The following MLLT10 variants were observed in gnomAD, a reference collection of about 807,000 sequenced individuals.
MLLT10 encodes the protein MLLT10 histone lysine methyltransferase DOT1L cofactor, also known as protein AF-10.
A neutral mutation model predicts 129.1 loss-of-function variants in MLLT10; 30 were observed. The observed-to-expected ratio is 0.23, with a 90% CI of 0.17 to 0.32. The LOEUF (loss-of-function observed/expected upper bound fraction) is 0.32. Among genes scored for constraint, MLLT10 ranks in the 10% least tolerant of loss-of-function variants. The probability of loss-of-function intolerance (pLI) is 1.00; values close to 1 mark genes in which losing one functional copy is unlikely to be tolerated. For missense variants in MLLT10, 1,119 were observed against 1,268.3 expected (o/e 0.88, Z 1.79); for synonymous variants, 490 against 446.4 (o/e 1.10, Z -1.23).
chr10:21,675,606 G>A (rs2052007486), intron 11 of MLLT10, among the ~76,000 whole-genome samples: 1 of 152,214 alleles, frequency 6.6e-6, no homozygotes, highest in African/African-American at 2.4e-5. Context: ...GAAGGGCTTA[G>A]CAGTAAGCCC....
Position 21,673,886 on chromosome 10 carries a change from A to G in MLLT10, c.1588A>G (p.Ser530Gly), listed in dbSNP as rs775229607. The change falls in exon 11 of 23, where the codon AGC becomes GGC. Residue 530 changes from serine (S) to glycine (G), a missense_variant. Transcript: ENST00000307729. ...PTLLRNGSLQ[S>G]LSVGSSPVGS... Reference sequence around the variant, plus strand: ...ATTGCTCAGGAATGGAAGTTTACAGAGCCTCAGTGTTGGCTCATCTCCAGT... The same window carrying G: ...ATTGCTCAGGAATGGAAGTTTACAGGGCCTCAGTGTTGGCTCATCTCCAGT... The G allele has an allele frequency of 6.2e-7, 1 of 1,610,030 alleles. No homozygotes were observed. The highest frequency in any genetic ancestry group is 1.7e-5 in the Admixed American group (1 of 59,374).
chr10:21,682,306 G>A (rs1327542367), intron 13 of MLLT10, 49 bp downstream of exon 13: 3 of 1,521,444 alleles, frequency 2.0e-6, no homozygotes, highest in South Asian at 1.2e-5. Context: ...CACAAAGGTT[G>A]CCTTTTGTAG....
intron 5 of MLLT10, among the ~76,000 whole-genome samples, chr10:21,604,453 A>G (rs552088535): frequency 1.3e-5 from 2 of 152,204 alleles, no homozygotes; most frequent in East Asian, 1.9e-4. Context: ...AGCGAGGTGT[A>G]GTGGCACACA....
In MLLT10 at chr10:21,534,421, A is replaced by C. The variant is rs1490418989; in HGVS notation, c.-100A>C. 1 of 340,140 alleles carries C rather than the reference A, an allele frequency of 2.9e-6. No homozygotes were observed. Among genetic ancestry groups the C allele is most frequent in the Non-Finnish European group, 5.5e-6 (1 of 180,660 alleles). The allele number at this position is 340,140 out of a possible 1,614,324, so 21.1% of individuals were successfully genotyped here. Reference sequence around the variant, plus strand: ...GGGAGGGAAGACGCTGAGGAGGAGGAGGAGGCGGAGGAGGCGGTGGAGGGG... The same window carrying C: ...GGGAGGGAAGACGCTGAGGAGGAGGCGGAGGCGGAGGAGGCGGTGGAGGGG... On this transcript the variant is annotated 5_prime_UTR_variant, in exon 1 of 23. Coordinates refer to ENST00000307729, the MANE Select transcript of MLLT10 (RefSeq NM_001195626.3).
chr10:21,681,328 A>G lies in MLLT10; in HGVS notation c.1622-4A>G, dbSNP rs377622136. On this transcript the variant is annotated splice_polypyrimidine_tract_variant and splice_region_variant and intron_variant, in intron 11 of 22. Transcript: ENST00000307729. The stretch of plus-strand genomic sequence containing the variant: ...CTGATTTCCTTTTTCCTTCCTCTCA[A>G]CAGAAATTTCCATGCAGTATCGGCA... 9.2e-4 allele frequency: 1,490 copies of G among 1,612,304 alleles called. No individual in the cohort carries two copies. The highest frequency in any genetic ancestry group is 1.2e-3 in the Non-Finnish European group (1,415 of 1,179,614).
At chr10:21,615,591 G>A (rs1274846348) in intron 7 of MLLT10, among the ~76,000 whole-genome samples, 2 of 151,606 alleles carry the variant, frequency 1.3e-5, no homozygotes, top group Non-Finnish European at 2.9e-5. Flanking sequence ...TGGATTTTTG[G>A]TGCCAATTTT....
intron 9 of MLLT10, among the ~76,000 whole-genome samples, chr10:21,652,991 A>G (rs981838500): frequency 3.3e-5 from 5 of 152,222 alleles, no homozygotes; most frequent in Non-Finnish European, 5.9e-5. Flanking sequence ...TAGAAGGTAT[A>G]GAGTCACTGT....
chr10:21,537,754 C>T (rs911912667), intron 2 of MLLT10, among the ~76,000 whole-genome samples: 2 of 152,184 alleles, frequency 1.3e-5, no homozygotes, highest in Admixed American at 1.3e-4. Flanking sequence ...CAGGCATGAG[C>T]CACCGCGTCC....
At chr10:21,688,593 T>A in intron 13 of MLLT10, 1 of 1,514,856 alleles carries the variant, frequency 6.6e-7, no homozygotes, top group Non-Finnish European at 9.1e-7. Flanking sequence ...ATTAATCCTA[T>A]TGTAGCTTGG....
chr10:21,712,402 A>G (rs141336149), intron 13 of MLLT10, among the ~76,000 whole-genome samples: 8 of 152,198 alleles, frequency 5.3e-5, no homozygotes, highest in South Asian at 2.1e-4. Context: ...TGTAGAGACA[A>G]TATCTCCCTT....
chr10:21,578,204 T>C (rs989133386), intron 3 of MLLT10, among the ~76,000 whole-genome samples: 3 of 152,254 alleles, frequency 2.0e-5, no homozygotes, highest in Non-Finnish European at 4.4e-5. Context: ...CTGGTGTTGA[T>C]TTTTAATCCT....
At chr10:21,732,828 C>G in intron 17 of MLLT10, 71 bp from the exon 18 acceptor site, 2 of 1,214,518 alleles carry the variant, frequency 1.6e-6, no homozygotes, top group Non-Finnish European at 2.3e-6. Context: ...CTAAGGTTAC[C>G]GGCACTGCGT....
At chr10:21,643,763 T>A (rs376336291) in intron 8 of MLLT10, among the ~76,000 whole-genome samples, 1 of 152,224 alleles carries the variant, frequency 6.6e-6, no homozygotes, top group East Asian at 1.9e-4. Context: ...ACACAGTCTG[T>A]AACAGAATTG....
chr10:21,625,535 T>G (rs779531449), intron 8 of MLLT10: 2 of 806,792 alleles, frequency 2.5e-6, no homozygotes, highest in Non-Finnish European at 4.5e-6. Context: ...GCATCTGGCT[T>G]GTACTGCTGA....
chr10:21,619,578 G>C (rs887867327), intron 8 of MLLT10, among the ~76,000 whole-genome samples: 2 of 152,088 alleles, frequency 1.3e-5, no homozygotes, highest in Non-Finnish European at 2.9e-5. Context: ...AACACGTTTA[G>C]TCAAACTTGT....
chr10:21,739,694 T>C (rs1163614480), intron 21 of MLLT10, among the ~76,000 whole-genome samples: 1 of 151,976 alleles, frequency 6.6e-6, no homozygotes, highest in African/African-American at 2.4e-5. Flanking sequence ...AACTTTAAGG[T>C]TGTTTTAAGT....
chr10:21,562,367 C>T (rs2038934140), intron 3 of MLLT10, among the ~76,000 whole-genome samples: 1 of 150,720 alleles, frequency 6.6e-6, no homozygotes, highest in Admixed American at 6.6e-5. Flanking sequence ...GACGGCGTCT[C>T]ACTCTTGTTG....
chr10:21,644,313 G>A (rs2048284297), intron 8 of MLLT10, among the ~76,000 whole-genome samples: 1 of 151,968 alleles, frequency 6.6e-6, no homozygotes, highest in African/African-American at 2.4e-5. Context: ...TTTATGCTTG[G>A]GAGGCTCACT....
At chr10:21,579,814 C>G (rs1178456865) in intron 3 of MLLT10, among the ~76,000 whole-genome samples, 7 of 151,858 alleles carry the variant, frequency 4.6e-5, no homozygotes, top group Non-Finnish European at 1.0e-4. Context: ...CCACCCACCT[C>G]GGCCTCCCAA....
Sources: gnomAD v4.1 joint callset for allele counts (sites outside exome capture counted in the v4.1 genomes callset) on GRCh38, gnomAD v4.1.1 for gene constraint, MANE v1.5 for transcripts, NCBI Gene and HGNC (gene_info 2026-07-23, HGNC 2026-07-21) for gene names.